The following ADCY9 variants were observed in gnomAD, a reference collection of about 807,000 sequenced individuals.
ADCY9 encodes the protein adenylate cyclase type 9.
ADCY9 carries 50 observed loss-of-function variants against 101.5 expected under a neutral mutation model. The observed-to-expected ratio is 0.49, with a 90% CI of 0.39 to 0.62. The LOEUF (loss-of-function observed/expected upper bound fraction) is 0.62, where lower values mean the gene tolerates loss of function less well. ADCY9 is among the 20% of genes least tolerant of loss of function. ADCY9 has a pLI of 0.00. For synonymous variants in ADCY9, 905 were observed against 769.3 expected, an observed-to-expected ratio of 1.18 and a Z score of -2.92; for missense variants, 1,662 against 1,800.4, an observed-to-expected ratio of 0.92 and a Z score of 1.39.
chr16:4,051,991 T>C (rs1417602597), intron 2 of ADCY9, among the ~76,000 whole-genome samples: 1 of 152,176 alleles, frequency 6.6e-6, no homozygotes, highest in African/African-American at 2.4e-5. Context: ...TGGAGAAACC[T>C]GGTAGACACC....
chr16:3,986,945 A>G (rs2056198277), intron 6 of ADCY9, among the ~76,000 whole-genome samples: 1 of 152,202 alleles, frequency 6.6e-6, no homozygotes, highest in Non-Finnish European at 1.5e-5. Flanking sequence ...CCTGTGGCAT[A>G]AAGTCCATGG....
At chr16:4,100,057 G>A (rs907831356) in intron 2 of ADCY9, among the ~76,000 whole-genome samples, 3 of 152,166 alleles carry the variant, frequency 2.0e-5, no homozygotes, top group Non-Finnish European at 4.4e-5. Flanking sequence ...GGGACCTGGT[G>A]GGAGGGGACT....
At chr16:4,052,850 C>T (rs867560363) in intron 2 of ADCY9, among the ~76,000 whole-genome samples, 3 of 152,178 alleles carry the variant, frequency 2.0e-5, no homozygotes, top group African/African-American at 4.8e-5. Context: ...GGGCGGGGTC[C>T]CGTTTCAGCC....
chr16:4,090,702 T>C (rs1229707733), intron 2 of ADCY9, among the ~76,000 whole-genome samples: 2 of 151,826 alleles, frequency 1.3e-5, no homozygotes, highest in African/African-American at 4.8e-5. Flanking sequence ...CCTAGAGTTG[T>C]TGAGATTTTT....
chr16:3,993,423 G>T lies in ADCY9; in HGVS notation c.1972C>A (p.His658Asn). ...CTTGTTACCTTGGTGCTGTTTTTAT[G>T]CTCGTCTTGGCAGCCGTTTTGAGGT... The part of the protein sequence containing the change: ...GAPQNGCQDE[H>N]KNSTKASGGP... The change falls in exon 4 of 11, where the codon CAT becomes AAT. Residue 658 changes from histidine to asparagine, a missense_variant. His to Asn is a moderately conservative substitution (Grantham distance 68). Around this residue, in one of 5 missense-constraint regions of ADCY9, gnomAD observed 624 missense variants for 639.1 expected, o/e 0.98. Transcript: ENST00000294016. 5.0e-6 allele frequency: 8 copies of T among 1,614,156 alleles called. No individual in the cohort carries two copies. The highest frequency in any genetic ancestry group is 6.8e-6 in the Non-Finnish European group (8 of 1,179,964).
chr16:4,044,354 A>C (rs534201759), intron 2 of ADCY9, among the ~76,000 whole-genome samples: 2 of 150,992 alleles, frequency 1.3e-5, no homozygotes, highest in East Asian at 2.0e-4. Flanking sequence ...CTCAAAAAAA[A>C]CAAAAAAACA....
intron 3 of ADCY9, among the ~76,000 whole-genome samples, chr16:3,998,658 G>C (rs372408604): frequency 3.1e-5 from 4 of 127,396 alleles, no homozygotes; most frequent in Non-Finnish European, 6.3e-5. Flanking sequence ...CCAGTGAGCC[G>C]AGATGGTGCC....
chr16:4,036,623 G>A (rs936938141), intron 2 of ADCY9, among the ~76,000 whole-genome samples: 7 of 151,622 alleles, frequency 4.6e-5, no homozygotes, highest in East Asian at 1.9e-4. Flanking sequence ...CCAACCACCC[G>A]GCTAATTTTT....
intron 2 of ADCY9, among the ~76,000 whole-genome samples, chr16:4,037,142 C>A (rs767136323): frequency 3.3e-5 from 5 of 151,896 alleles, no homozygotes; most frequent in Admixed American, 6.6e-5. Flanking sequence ...CATAGTGAGA[C>A]CCCATGTCTA....
chr16:4,089,501 C>T lies in ADCY9; in HGVS notation c.1693+24249G>A, dbSNP rs562670625. On this transcript the variant is annotated intron_variant, in intron 2 of 10. Transcript: ENST00000294016. ...AGCAGACAGGCATTTGGGCTGTTTC[C>T]ACTTTTTGGCAATTGTGGATAATGT... Among the ~76,000 whole-genome samples the T allele has an allele frequency of 1.3e-3, 200 of 152,092 alleles. 6 individuals are homozygous for T. In the South Asian group the frequency reaches 0.035, roughly 27 times the overall value.
intron 2 of ADCY9, among the ~76,000 whole-genome samples, chr16:4,036,501 C>T (rs1233088113): frequency 1.7e-5 from 2 of 117,508 alleles, no homozygotes; most frequent in Non-Finnish European, 3.3e-5. Context: ...CTCGCTCTGT[C>T]ACCCAGGCTG....
At chr16:3,982,479 G>A (rs1160446838) in intron 7 of ADCY9, 1 of 152,234 alleles carries the variant, frequency 6.6e-6, no homozygotes. Context: ...GGACCACACA[G>A]GGCCACCTTC....
intron 2 of ADCY9, among the ~76,000 whole-genome samples, chr16:4,055,303 C>A (rs562030030): frequency 3.9e-5 from 6 of 151,992 alleles, no homozygotes; most frequent in African/African-American, 1.2e-4. Flanking sequence ...GAGGCTGAGG[C>A]GAGCAGATCA....
intron 3 of ADCY9, among the ~76,000 whole-genome samples, chr16:4,003,499 A>G (rs574812376): frequency 4.7e-5 from 7 of 150,498 alleles, no homozygotes; most frequent in Non-Finnish European, 7.4e-5. Flanking sequence ...CTTCCTTATC[A>G]CCACCGCACT....
Position 3,965,450 on chromosome 16 carries a change from A to G in ADCY9, c.*325T>C. On this transcript the variant is annotated 3_prime_UTR_variant, in exon 11 of 11. Transcript: ENST00000294016. ...AACCACAGCTTTTGTTCTAAAAGTCAAATAATACCCAAAGCCATGATCTCC... is the reference window on the plus strand; with the variant it reads ...AACCACAGCTTTTGTTCTAAAAGTCGAATAATACCCAAAGCCATGATCTCC... 2.9e-6 allele frequency: 1 copy of G among 344,764 alleles called. No individual in the cohort carries two copies. The highest frequency in any genetic ancestry group is 5.3e-6 in the Non-Finnish European group (1 of 189,990). 21.4% of individuals were successfully genotyped at this position (344,764 alleles called of 1,614,324 possible).
downstream of ADCY9, among the ~76,000 whole-genome samples, chr16:3,958,496 C>T (rs962928851): frequency 6.6e-4 from 95 of 142,982 alleles, no homozygotes; most frequent in African/African-American, 2.4e-3. Context: ...GCCGAGATCG[C>T]GCCATTGCAC....
At chr16:4,031,203 A>T (rs1180414918) in intron 2 of ADCY9, among the ~76,000 whole-genome samples, 1 of 152,184 alleles carries the variant, frequency 6.6e-6, no homozygotes, top group Non-Finnish European at 1.5e-5. Context: ...ATATTTCTTG[A>T]GTAGGATAAT....
In ADCY9 at chr16:4,102,414, G is replaced by A. The variant is rs1184964297; in HGVS notation, c.1693+11336C>T. On this transcript the variant is annotated intron_variant, in intron 2 of 10. Transcript: ENST00000294016. ...AAAATTTACAGAAACAAAGTTGATG[G>A]TTGTTTCTTTGTTTGTTTGTTTGTT... Among the ~76,000 whole-genome samples the A allele has an allele frequency of 4.6e-5, 7 of 152,218 alleles. No homozygotes were observed. In the East Asian group the frequency reaches 1.4e-3, roughly 29 times the overall value.
intron 6 of ADCY9, among the ~76,000 whole-genome samples, chr16:3,988,305 A>ACT (rs1419191727): frequency 6.6e-6 from 1 of 151,796 alleles, no homozygotes; most frequent in African/African-American, 2.4e-5. Context: ...GGAGTTAGAG[A>ACT]GAGAGGTGAA....
Sources: gnomAD v4.1 joint callset for allele counts (sites outside exome capture counted in the v4.1 genomes callset) on GRCh38, gnomAD v4.1.1 for gene constraint, gnomAD v4.1.1 regional missense constraint, MANE v1.5 for transcripts, NCBI Gene and HGNC (gene_info 2026-07-23, HGNC 2026-07-21) for gene names.